Variants in EVA1A observed in about 807,000 individuals in gnomAD.
EVA1A encodes eva-1 homolog A, regulator of programmed cell death, also known as protein eva-1 homolog A.
EVA1A carries 7 observed loss-of-function variants against 9.8 expected under a neutral mutation model. That is an observed-to-expected ratio of 0.71 (90% confidence interval 0.41 to 1.34). The LOEUF is 1.34. EVA1A is among the 40% of genes most tolerant of loss of function. The pLI is 0.01. For synonymous variants in EVA1A, 90 were observed against 85.6 expected (o/e 1.05, Z -0.28); for missense variants, 206 against 205.9 (o/e 1.00, Z 0.00).
In EVA1A at chr2:75,558,187, C is replaced by T. The variant is rs565159244; in HGVS notation, c.-192+2493G>A. Among the ~76,000 whole-genome samples, 47 of 152,270 alleles carry T rather than the reference C, an allele frequency of 3.1e-4. No individual in the cohort carries two copies. In the South Asian group the frequency reaches 5.6e-3, roughly 18 times the overall value. On this transcript the variant is annotated intron_variant, in intron 1 of 3. Coordinates refer to ENST00000393913, the MANE Select transcript of EVA1A (RefSeq NM_001135032.2). ...AAATGTATAAAATGCTAAACTTGAACCATGTCCTGGAATTAGGTAGGCACT... is the reference window on the plus strand; with the variant it reads ...AAATGTATAAAATGCTAAACTTGAATCATGTCCTGGAATTAGGTAGGCACT...
Position 75,553,274 on chromosome 2 carries a change from T to C in EVA1A, c.-192+7406A>G, listed in dbSNP as rs373385609. On this transcript the variant is annotated intron_variant, in intron 1 of 3. Transcript: ENST00000393913. ...TAGGTGTCCCTCCTGTGGGTGCACATAGCACCCTGTGATTGCCTCTAGTGT... is the reference window on the plus strand; with the variant it reads ...TAGGTGTCCCTCCTGTGGGTGCACACAGCACCCTGTGATTGCCTCTAGTGT... 1.0e-3 allele frequency among the ~76,000 whole-genome samples: 154 copies of C among 152,364 alleles called. 2 individuals carry two copies. Among genetic ancestry groups the C allele is most frequent in the African/African-American group, 3.5e-3 (147 of 41,586 alleles).
At chr2:75,536,870 A>G (rs1186923358) in intron 1 of EVA1A, among the ~76,000 whole-genome samples, 1 of 152,184 alleles carries the variant, frequency 6.6e-6, no homozygotes, top group Non-Finnish European at 1.5e-5. Context: ...AGAAAATTCT[A>G]TCAAATGTTT....
intron 1 of EVA1A, among the ~76,000 whole-genome samples, chr2:75,567,647 C>A (rs725774): frequency 2.6e-5 from 4 of 152,172 alleles, no homozygotes; most frequent in Non-Finnish European, 4.4e-5. Context: ...TCCATTCTTC[C>A]ATTCATAGAT....
At chr2:75,532,159 C>CAAAAA (rs543115764) in intron 1 of EVA1A, among the ~76,000 whole-genome samples, 5 of 57,850 alleles carry the variant, frequency 8.6e-5, no homozygotes, top group Admixed American at 2.3e-4. Context: ...GACTCTGTCT[C>CAAAAA]AAAAAAAAAA....
At chr2:75,543,997 A>T (rs1383770046) in intron 1 of EVA1A, among the ~76,000 whole-genome samples, 1 of 152,246 alleles carries the variant, frequency 6.6e-6, no homozygotes, top group African/African-American at 2.4e-5. Context: ...TGGTAAACAC[A>T]GACAAGTGTG....
At chr2:75,531,469 T>C (rs1675645068) in intron 1 of EVA1A, among the ~76,000 whole-genome samples, 1 of 152,068 alleles carries the variant, frequency 6.6e-6, no homozygotes, top group Non-Finnish European at 1.5e-5. Flanking sequence ...AGCAGCACAA[T>C]TGGTAACTGC....
intron 3 of EVA1A, among the ~76,000 whole-genome samples, chr2:75,502,386 C>A (rs1294788688): frequency 6.6e-6 from 1 of 152,216 alleles, no homozygotes; most frequent in African/African-American, 2.4e-5. Context: ...TCAAAACCTA[C>A]AAATGCTGAA....
At chr2:75,519,194 A>G (rs1361951545) in intron 2 of EVA1A, among the ~76,000 whole-genome samples, 1 of 152,224 alleles carries the variant, frequency 6.6e-6, no homozygotes, top group East Asian at 1.9e-4. Flanking sequence ...GAGAGGTGGC[A>G]GAGACCCAAT....
chr2:75,496,450 A>G (rs1284992493), intron 3 of EVA1A, among the ~76,000 whole-genome samples: 2 of 152,208 alleles, frequency 1.3e-5, no homozygotes, highest in East Asian at 3.8e-4. Flanking sequence ...AAAAATAATA[A>G]AATACCTAAA....
chr2:75,543,249 A>T (rs764586949), intron 1 of EVA1A, among the ~76,000 whole-genome samples: 1 of 152,194 alleles, frequency 6.6e-6, no homozygotes, highest in African/African-American at 2.4e-5. Flanking sequence ...AGGACATTTT[A>T]AAAAGGCAAT....
At chr2:75,558,643 G>A (rs1383421777) in intron 1 of EVA1A, 1 of 152,200 alleles carries the variant, frequency 6.6e-6, no homozygotes. Flanking sequence ...TTAACTTCTA[G>A]TCTCAAAGAT....
At chr2:75,547,631 C>A (rs1171647889) in intron 1 of EVA1A, among the ~76,000 whole-genome samples, 1 of 152,154 alleles carries the variant, frequency 6.6e-6, no homozygotes, top group Non-Finnish European at 1.5e-5. Flanking sequence ...GACATGTTCT[C>A]ATCAAATTGG....
chr2:75,505,152 T>G (rs1280360792), intron 3 of EVA1A, among the ~76,000 whole-genome samples: 1 of 152,148 alleles, frequency 6.6e-6, no homozygotes, highest in Non-Finnish European at 1.5e-5. Flanking sequence ...GACACATTAT[T>G]CCATCCAGCA....
chr2:75,565,464 T>C (rs13010187), upstream of EVA1A, among the ~76,000 whole-genome samples: 40,624 of 151,936 alleles, frequency 0.27, 5,728 homozygotes, highest in Admixed American at 0.36. Context: ...TAAGACAATG[T>C]CAAACAGACA....
Position 75,533,834 on chromosome 2 carries a change from C to T in EVA1A, c.-191-11347G>A, listed in dbSNP as rs186274429. ...TTATTTATTTATTTATTTTTGAGACCGGAGTCTTGCTCTGTTGCCCAGGCT... is the reference window on the plus strand; with the variant it reads ...TTATTTATTTATTTATTTTTGAGACTGGAGTCTTGCTCTGTTGCCCAGGCT... On this transcript the variant is annotated intron_variant, in intron 1 of 3. Coordinates refer to ENST00000393913, the MANE Select transcript of EVA1A (RefSeq NM_001135032.2). Among the ~76,000 whole-genome samples, 1,048 of 150,806 alleles carry T rather than the reference C, an allele frequency of 6.9e-3. 14 individuals carry two copies. Among genetic ancestry groups the T allele is most frequent in the African/African-American group, 0.025 (1,015 of 41,084 alleles).
intron 1 of EVA1A, among the ~76,000 whole-genome samples, chr2:75,569,261 C>A (rs1225312819): frequency 2.6e-5 from 4 of 151,930 alleles, no homozygotes; most frequent in African/African-American, 9.7e-5. Flanking sequence ...TATTCACTTG[C>A]CTCACTTTCT....
chr2:75,493,047 T>C lies in EVA1A; in HGVS notation c.*189A>G. The C allele has an allele frequency of 1.3e-6, 1 of 789,122 alleles. No homozygotes were observed. Among genetic ancestry groups the C allele is most frequent in the South Asian group, 1.8e-5 (1 of 54,948 alleles). 48.9% of individuals were successfully genotyped at this position (789,122 alleles called of 1,614,324 possible). On this transcript the variant is annotated 3_prime_UTR_variant, in exon 4 of 4. Transcript: ENST00000393913. ...ACCTGGAAAGGGTGATGAACTGCTT[T>C]GATTTTTCTACTTCTCCATACATTT...
upstream of EVA1A, among the ~76,000 whole-genome samples, chr2:75,561,823 TTA>T (rs1177278006): frequency 2.6e-5 from 4 of 151,894 alleles, no homozygotes; most frequent in Admixed American, 2.6e-4. Flanking sequence ...TGCCAGTCCG[TTA>T]GGAAAGGAGA....
intron 1 of EVA1A, chr2:75,542,437 T>G (rs1469534838): frequency 1.3e-5 from 2 of 152,266 alleles, no homozygotes; most frequent in Non-Finnish European, 2.9e-5. Flanking sequence ...CCAACCTACC[T>G]TTCCATCACA....
Sources: allele counts gnomAD v4.1 joint callset (sites outside exome capture counted in the v4.1 genomes callset), GRCh38; gene constraint gnomAD v4.1.1; transcripts MANE v1.5; gene names NCBI Gene and HGNC (gene_info 2026-07-23, HGNC 2026-07-21).